The following MAPRE3 variants were observed in gnomAD, a reference collection of about 807,000 sequenced individuals.
The protein encoded by MAPRE3 is microtubule associated protein RP/EB family member 3.
A neutral mutation model predicts 30.5 loss-of-function variants in MAPRE3; 2 were observed. The ratio of observed to expected loss-of-function variants is 0.07; its 90% confidence interval spans 0.03 to 0.21. MAPRE3 has a LOEUF of 0.21. MAPRE3 is among the 10% of genes least tolerant of loss of function. The pLI is 1.00. For missense variants in MAPRE3, 204 were observed against 351.8 expected, an observed-to-expected ratio of 0.58 and a Z score of 3.36; for synonymous variants, 110 against 127.7, an observed-to-expected ratio of 0.86 and a Z score of 0.93.
intron 1 of MAPRE3, chr2:27,009,674 C>T (rs1666805374): frequency 6.6e-6 from 1 of 152,178 alleles, no homozygotes. Context: ...TTTCGTCTGC[C>T]TTTTTAGCCA....
At chr2:27,024,050 A>T in intron 3 of MAPRE3, 46 bp from the exon 4 acceptor site, 1 of 1,497,734 alleles carries the variant, frequency 6.7e-7, no homozygotes, top group Non-Finnish European at 9.3e-7. Context: ...AGGCGGTCCT[A>T]CAGCAGCAGG....
intron 1 of MAPRE3, among the ~76,000 whole-genome samples, chr2:26,979,770 G>T (rs1287106963): frequency 6.6e-6 from 1 of 152,194 alleles, no homozygotes; most frequent in Non-Finnish European, 1.5e-5. Flanking sequence ...ACCAGACTGA[G>T]GATGTGTGCT....
At chr2:27,001,493 G>A (rs1666593552) in intron 1 of MAPRE3, among the ~76,000 whole-genome samples, 2 of 152,138 alleles carry the variant, frequency 1.3e-5, no homozygotes, top group African/African-American at 4.8e-5. Flanking sequence ...GTGAGACAGA[G>A]TGAGATCCCA....
intron 1 of MAPRE3, among the ~76,000 whole-genome samples, chr2:26,979,016 A>G (rs2148197176): frequency 6.6e-6 from 1 of 152,354 alleles, no homozygotes. Flanking sequence ...TGTCACTGTA[A>G]CATGAGGGGA....
At chr2:27,014,074 T>G (rs1666925582) in intron 1 of MAPRE3, 1 of 152,172 alleles carries the variant, frequency 6.6e-6, no homozygotes, top group African/African-American at 2.4e-5. Flanking sequence ...GATGGGTGAC[T>G]CCATGGACAT....
intron 1 of MAPRE3, among the ~76,000 whole-genome samples, chr2:26,992,982 C>A (rs1465422750): frequency 6.6e-6 from 1 of 152,158 alleles, no homozygotes; most frequent in East Asian, 1.9e-4. Flanking sequence ...TCCCTAGTTT[C>A]AGTTTAGTCA....
At chr2:27,004,594 C>T (rs894967045) in intron 1 of MAPRE3, among the ~76,000 whole-genome samples, 4 of 152,042 alleles carry the variant, frequency 2.6e-5, no homozygotes, top group South Asian at 2.1e-4. Context: ...TACAGGCATG[C>T]GCCACCATGC....
chr2:27,009,399 G>A (rs549438988), intron 1 of MAPRE3, among the ~76,000 whole-genome samples: 146 of 152,278 alleles, frequency 9.6e-4, no homozygotes, highest in African/African-American at 3.2e-3. Flanking sequence ...GAAAATTGGA[G>A]GGACTCTCTT....
intron 1 of MAPRE3, among the ~76,000 whole-genome samples, chr2:26,998,841 C>T (rs1020493295): frequency 1.3e-5 from 2 of 152,178 alleles, no homozygotes; most frequent in African/African-American, 4.8e-5. Flanking sequence ...GTTTTGCAAA[C>T]CTTATATCTT....
intron 1 of MAPRE3, among the ~76,000 whole-genome samples, chr2:27,008,157 A>G (rs1162192958): frequency 6.6e-6 from 1 of 152,242 alleles, no homozygotes; most frequent in Non-Finnish European, 1.5e-5. Flanking sequence ...TTTCTGTTCT[A>G]AAGTGCCTCT....
At chr2:26,978,936 A>G (rs1229580020) in intron 1 of MAPRE3, among the ~76,000 whole-genome samples, 4 of 152,258 alleles carry the variant, frequency 2.6e-5, no homozygotes, top group South Asian at 2.1e-4. Flanking sequence ...GCCTTATTCT[A>G]TAAGACACAG....
At chr2:26,974,114 G>C (rs1173764058) in intron 1 of MAPRE3, among the ~76,000 whole-genome samples, 1 of 152,196 alleles carries the variant, frequency 6.6e-6, no homozygotes, top group Non-Finnish European at 1.5e-5. Context: ...ATGAATGTTG[G>C]TGGTTATTAG....
chr2:27,027,087 GGA>G lies in MAPRE3; in HGVS notation c.*740_*741del, dbSNP rs1417384997. 2 of 152,506 alleles carry G rather than the reference GGA, an allele frequency of 1.3e-5. No homozygotes were observed. Among genetic ancestry groups the G allele is most frequent in the African/African-American group, 4.8e-5 (2 of 41,398 alleles). 9.4% of individuals were successfully genotyped at this position (152,506 alleles called of 1,614,324 possible). The stretch of plus-strand genomic sequence containing the variant: ...CTGGTTCACCACACAAACTCTGCCT[GGA>G]CCCCATTGTCTGTCTGCTTCCCACC... On this transcript the variant is annotated 3_prime_UTR_variant, in exon 7 of 7. Coordinates refer to ENST00000233121, the MANE Select transcript of MAPRE3 (RefSeq NM_012326.4).
chr2:26,989,548 C>T (rs541166817), intron 1 of MAPRE3, among the ~76,000 whole-genome samples: 2 of 152,272 alleles, frequency 1.3e-5, no homozygotes, highest in South Asian at 2.1e-4. Context: ...CTGTTCCCAT[C>T]GCCCAATCAT....
At chr2:27,014,270 G>A (rs1368590960) in intron 1 of MAPRE3, among the ~76,000 whole-genome samples, 2 of 152,108 alleles carry the variant, frequency 1.3e-5, no homozygotes, top group Non-Finnish European at 2.9e-5. Context: ...GGTCAGATAG[G>A]GTGACCTAGC....
intron 1 of MAPRE3, among the ~76,000 whole-genome samples, chr2:26,993,239 G>A (rs1218965679): frequency 6.6e-6 from 1 of 152,034 alleles, no homozygotes; most frequent in African/African-American, 2.4e-5. Context: ...GAGTGGTGGT[G>A]CACACCTGTA....
intron 1 of MAPRE3, among the ~76,000 whole-genome samples, chr2:27,001,748 A>C (rs189937669): frequency 6.6e-6 from 1 of 152,360 alleles, no homozygotes; most frequent in African/African-American, 2.4e-5. Context: ...GGGTACAGTA[A>C]AAATACAGCA....
At chr2:27,013,713 C>G (rs1289979219) in intron 1 of MAPRE3, 1 of 152,214 alleles carries the variant, frequency 6.6e-6, no homozygotes, top group Non-Finnish European at 1.5e-5. Context: ...AGAGTGGATA[C>G]CCAAGGCTGT....
At chr2:26,972,994 G>A (rs1484650887) in intron 1 of MAPRE3, among the ~76,000 whole-genome samples, 1 of 152,196 alleles carries the variant, frequency 6.6e-6, no homozygotes, top group Non-Finnish European at 1.5e-5. Context: ...GACATGATTT[G>A]AACCAAGTTA....
Sources: gnomAD v4.1 joint callset for allele counts (sites outside exome capture counted in the v4.1 genomes callset) on GRCh38, gnomAD v4.1.1 for gene constraint, MANE v1.5 for transcripts, NCBI Gene and HGNC (gene_info 2026-07-23, HGNC 2026-07-21) for gene names.